GINS4: variants seen among roughly 807,000 people sequenced by gnomAD.
GINS4 encodes the protein GINS complex subunit 4, also known as DNA replication complex GINS protein SLD5.
A neutral mutation model predicts 31.1 loss-of-function variants in GINS4; 20 were observed. The observed-to-expected ratio is 0.64, with a 90% CI of 0.45 to 0.93. The LOEUF (loss-of-function observed/expected upper bound fraction) is 0.93, where lower values mean the gene tolerates loss of function less well. Among genes scored for constraint, GINS4 ranks in the 40% least tolerant of loss-of-function variants. The pLI, the probability that GINS4 is intolerant of heterozygous loss-of-function variation, is 0.00. For missense variants in GINS4, 245 were observed against 273.9 expected, an observed-to-expected ratio of 0.89 and a Z score of 0.75; for synonymous variants, 85 against 97.9, an observed-to-expected ratio of 0.87 and a Z score of 0.78.
At chr8:41,532,407 G>A (rs1806661990) in intron 2 of GINS4, among the ~76,000 whole-genome samples, 1 of 151,066 alleles carries the variant, frequency 6.6e-6, no homozygotes, top group African/African-American at 2.4e-5. Context: ...AGAATGTAGA[G>A]CAGCTGAGCG....
Position 41,530,175 on chromosome 8 carries a change from T to C in GINS4, c.-19-9T>C, listed in dbSNP as rs753766075. On this transcript the variant is annotated splice_polypyrimidine_tract_variant and intron_variant, in intron 1 of 7. Coordinates refer to ENST00000276533, the MANE Select transcript of GINS4 (RefSeq NM_032336.3). ...CATTGCAGAGTATTGGTTCTTTCCC[T>C]CTCATTAGGTTCCTGGTTTCAGAGA... The C allele has an allele frequency of 6.7e-7, 1 of 1,497,900 alleles. No homozygotes were observed. The highest frequency in any genetic ancestry group is 1.7e-5 in the Admixed American group (1 of 58,900). 92.8% of individuals were successfully genotyped at this position (1,497,900 alleles called of 1,614,324 possible). A position where few individuals can be genotyped will look rare whatever the true frequency, so the allele number is the denominator to read the frequency against.
intron 2 of GINS4, among the ~76,000 whole-genome samples, chr8:41,536,143 T>C (rs1450984723): frequency 6.6e-6 from 1 of 152,170 alleles, no homozygotes; most frequent in Non-Finnish European, 1.5e-5. Flanking sequence ...GTCAGTTGAA[T>C]AGAAGGTTGT....
intron 7 of GINS4, 36 bp downstream of exon 7, chr8:41,541,935 C>T (rs760616817): frequency 6.2e-7 from 1 of 1,611,238 alleles, no homozygotes; most frequent in East Asian, 2.2e-5. Context: ...GGGCACATTC[C>T]TCCCGATGGA....
At position 41,536,384 on chromosome 8, in the gene GINS4, C is replaced by T. The variant is rs1585621206; in HGVS notation, c.121C>T (p.Pro41Ser). Reference protein sequence around the residue: ...EQAWMNEKFAPELLESKPEIV... With the variant: ...EQAWMNEKFASELLESKPEIV... The stretch of plus-strand genomic sequence containing the variant: ...GGCCTGGATGAATGAAAAGTTTGCC[C>T]CTGAGCTGCTGGAGAGCAAGCCTGA... The change falls in exon 3 of 8, where the codon CCT becomes TCT. Residue 41 changes from proline (P) to serine (S), a missense_variant. By Grantham distance (74) the Pro-to-Ser change is moderately conservative (BLOSUM62 -1). Coordinates refer to ENST00000276533, the MANE Select transcript of GINS4 (RefSeq NM_032336.3). 6.2e-7 allele frequency: 1 copy of T among 1,611,434 alleles called. No homozygotes were observed. The highest frequency in any genetic ancestry group is 8.5e-7 in the Non-Finnish European group (1 of 1,177,682).
Position 41,539,992 on chromosome 8 carries a change from C to A in GINS4, c.472C>A (p.Leu158Ile). The A allele has an allele frequency of 6.2e-7, 1 of 1,613,542 alleles. No individual in the cohort carries two copies. ...GCCCCCTAACTTACAGAAGGTGGACCTCTTTCGGGCAGGTAAACAGGACGT... is the reference window on the plus strand; with the variant it reads ...GCCCCCTAACTTACAGAAGGTGGACATCTTTCGGGCAGGTAAACAGGACGT... ...HMPPNLQKVD[L>I]FRAVPKPDLD... The change falls in exon 6 of 8, where the codon CTC (leucine) becomes ATC (isoleucine). Residue 158 changes from leucine (L) to isoleucine (I), a missense_variant. Physicochemically the swap from Leu to Ile is conservative, Grantham distance 5 (BLOSUM62 2). Transcript: ENST00000276533.
At chr8:41,539,155 A>G (rs1400929483) in intron 4 of GINS4, among the ~76,000 whole-genome samples, 1 of 151,400 alleles carries the variant, frequency 6.6e-6, no homozygotes, top group Non-Finnish European at 1.5e-5. Flanking sequence ...TCCTATCTCT[A>G]CTAAAAATAC....
chr8:41,530,993 C>T (rs1293201066), intron 2 of GINS4, among the ~76,000 whole-genome samples: 4 of 152,130 alleles, frequency 2.6e-5, no homozygotes, highest in Non-Finnish European at 4.4e-5. Flanking sequence ...ACAATAGGGC[C>T]GGGCACGGTG....
chr8:41,534,371 T>C, intron 2 of GINS4: 1 of 202,784 alleles, frequency 4.9e-6, no homozygotes, highest in East Asian at 1.5e-4. Context: ...CATGCCACTG[T>C]GTGACCAGAA....
At chr8:41,532,832 CA>C (rs369894142) in intron 2 of GINS4, among the ~76,000 whole-genome samples, 729 of 67,802 alleles carry the variant, frequency 0.011, 4 homozygotes, top group African/African-American at 0.028. Flanking sequence ...GACTCCATCT[CA>C]AAAAAAAAAA....
Position 41,542,397 on chromosome 8 carries a change from A to C in GINS4, c.*310A>C. 3 of 373,536 alleles carry C rather than the reference A, an allele frequency of 8.0e-6. No homozygotes were observed. Among genetic ancestry groups the C allele is most frequent in the East Asian group, 5.5e-5 (1 of 18,058 alleles). 23.1% of individuals were successfully genotyped at this position (373,536 alleles called of 1,614,324 possible). A position where few individuals can be genotyped will look rare whatever the true frequency, so the allele number is the denominator to read the frequency against. ...ACTTTGTCTCAAAAAAAAAAACAAA[A>C]AACAAAAAAAAAACAAACTAGGCAT... On this transcript the variant is annotated 3_prime_UTR_variant, in exon 8 of 8. Transcript: ENST00000276533.
chr8:41,532,175 T>A (rs1356140045), intron 2 of GINS4, among the ~76,000 whole-genome samples: 1 of 152,216 alleles, frequency 6.6e-6, no homozygotes, highest in African/African-American at 2.4e-5. Context: ...AAAATACTAA[T>A]ATGTAGCTGA....
rs773251264 is a variant in GINS4 at position 41,536,460 on chromosome 8, G to A, written c.183+14G>A. Reference sequence around the variant, plus strand: ...CTGGAGCACATGGTAAGAGTCGCTTGTCTTGGGTTGACAAAGGAGGAGAAA... The same window carrying A: ...CTGGAGCACATGGTAAGAGTCGCTTATCTTGGGTTGACAAAGGAGGAGAAA... On this transcript the variant is annotated intron_variant, in intron 3 of 7. Transcript: ENST00000276533. 11 of 1,505,966 alleles carry A rather than the reference G, an allele frequency of 7.3e-6. No individual in the cohort carries two copies. Among genetic ancestry groups the A allele is most frequent in the Non-Finnish European group, 9.2e-6 (10 of 1,083,336 alleles). The allele number at this position is 1,505,966 out of a possible 1,614,324, so 93.3% of individuals were successfully genotyped here. A position where few individuals can be genotyped will look rare whatever the true frequency, so the allele number is the denominator to read the frequency against.
intron 2 of GINS4, chr8:41,534,506 T>C (rs1806707667): frequency 5.5e-6 from 1 of 183,086 alleles, no homozygotes; most frequent in African/African-American, 2.4e-5. Flanking sequence ...TAATATAAAC[T>C]TCCACCTAAT....
intron 2 of GINS4, among the ~76,000 whole-genome samples, chr8:41,535,230 C>T (rs997296160): frequency 6.6e-6 from 1 of 152,114 alleles, no homozygotes; most frequent in African/African-American, 2.4e-5. Flanking sequence ...TCCAGCTACT[C>T]GGAAGGCTGA....
chr8:41,538,792 C>T (rs1413739319), intron 4 of GINS4, among the ~76,000 whole-genome samples: 1 of 151,870 alleles, frequency 6.6e-6, no homozygotes, highest in Non-Finnish European at 1.5e-5. Context: ...GCAACCTTCG[C>T]CCCCCAGGTT....
rs753515267 is a variant in GINS4 at position 41,540,000 on chromosome 8, G to A, written c.480G>A (p.Arg160=). 2.5e-6 allele frequency: 4 copies of A among 1,613,354 alleles called. No homozygotes were observed. The South Asian group carries it at 3.3e-5, about 13-fold the overall frequency. The change falls in exon 6 of 8, where the codon CGG becomes CGA. Residue 160 remains arginine (R), a synonymous_variant. Coordinates refer to ENST00000276533, the MANE Select transcript of GINS4 (RefSeq NM_032336.3). ...PPNLQKVDLF[R]AVPKPDLDSY... ...ACTTACAGAAGGTGGACCTCTTTCG[G>A]GCAGGTAAACAGGACGTTCTCCCTG...
At chr8:41,529,957 A>G (rs1209310012) in intron 1 of GINS4, 1 of 464,118 alleles carries the variant, frequency 2.2e-6, no homozygotes. Flanking sequence ...CTCTTGGTGG[A>G]CAGAAGTAAG....
At chr8:41,530,100 C>A in intron 1 of GINS4, 84 bp from the exon 2 acceptor site, 1 of 894,570 alleles carries the variant, frequency 1.1e-6, no homozygotes, top group Non-Finnish European at 1.7e-6. Flanking sequence ...CCTCAATAAA[C>A]CTTTCCTTTC....
At chr8:41,539,389 A>G (rs1806796860) in intron 4 of GINS4, among the ~76,000 whole-genome samples, 1 of 151,946 alleles carries the variant, frequency 6.6e-6, no homozygotes, top group Non-Finnish European at 1.5e-5. Context: ...CTTTCACAAA[A>G]GACTTCCCTA....
Sources: gnomAD v4.1 joint callset for allele counts (sites outside exome capture counted in the v4.1 genomes callset) on GRCh38, gnomAD v4.1.1 for gene constraint, MANE v1.5 for transcripts, NCBI Gene and HGNC (gene_info 2026-07-23, HGNC 2026-07-21) for gene names.